The following NRXN1 variants were observed in gnomAD, a reference collection of about 807,000 sequenced individuals.
NRXN1 encodes the protein neurexin-1.
In NRXN1, 39 loss-of-function variants were observed where a neutral mutation model predicts 150.9. The observed-to-expected ratio is 0.26, with a 90% CI of 0.20 to 0.34. NRXN1 has a LOEUF of 0.34. NRXN1 is among the 10% of genes least tolerant of loss of function. The pLI, the probability that NRXN1 is intolerant of heterozygous loss-of-function variation, is 1.00. For synonymous variants in NRXN1, 924 were observed against 757.0 expected (o/e 1.22, Z -3.62); for missense variants, 1,815 against 1,949.9 (o/e 0.93, Z 1.30).
intron 5 of NRXN1, among the ~76,000 whole-genome samples, chr2:50,850,042 CAAAAATTAAAG>C (rs1335609609): frequency 1.3e-5 from 2 of 151,446 alleles, no homozygotes; most frequent in Admixed American, 1.3e-4. Flanking sequence ...CTCACTTCTA[CAAAAATTAAAG>C]AAAAATTAAA....
Position 50,495,933 on chromosome 2 carries a change from G to C in NRXN1, c.3042C>G (p.Thr1014=), listed in dbSNP as rs75137449. The C allele has an allele frequency of 1.2e-6, 2 of 1,608,642 alleles. No individual in the cohort carries two copies. The highest frequency in any genetic ancestry group is 2.2e-5 in the South Asian group (2 of 90,232). Residue 1014 remains threonine (T), a synonymous_variant, in exon 15 of 23, where the codon ACC becomes ACG. Coordinates refer to ENST00000401669, the MANE Select transcript of NRXN1 (RefSeq NM_001330078.2). ...KIDTKITTQI[T]AGARNLDLKS... is the part of the protein sequence containing the mutation. ...TGAGGTCTAAGTTCCTGGCTCCGGC[G>C]GTGATTTGCGTTGTGATTTTTGTGT...
intron 2 of NRXN1, among the ~76,000 whole-genome samples, chr2:50,942,302 AG>A (rs1173681391): frequency 6.6e-6 from 1 of 152,202 alleles, no homozygotes; most frequent in Non-Finnish European, 1.5e-5. Context: ...GGCAATGCAG[AG>A]AGGAAATATG....
At chr2:51,001,426 A>T (rs545961423) in intron 2 of NRXN1, among the ~76,000 whole-genome samples, 1 of 151,942 alleles carries the variant, frequency 6.6e-6, no homozygotes, top group Admixed American at 6.6e-5. Flanking sequence ...TTATCTGCAA[A>T]GTTAATTTCA....
intron 17 of NRXN1, among the ~76,000 whole-genome samples, chr2:50,238,471 T>A (rs2065680376): frequency 6.6e-6 from 1 of 152,004 alleles, no homozygotes; most frequent in African/African-American, 2.4e-5. Flanking sequence ...TGATTATACA[T>A]AATAAGAGAA....
chr2:50,740,874 G>A (rs1699343479), intron 5 of NRXN1, among the ~76,000 whole-genome samples: 1 of 152,152 alleles, frequency 6.6e-6, no homozygotes, highest in African/African-American at 2.4e-5. Flanking sequence ...TGGAGTATCT[G>A]TCATAATCAA....
At chr2:50,922,506 A>G in intron 4 of NRXN1, 152 bp downstream of exon 4, 1 of 805,256 alleles carries the variant, frequency 1.2e-6, no homozygotes, top group South Asian at 1.5e-5. Context: ...AATGGAAGAA[A>G]AACACATGAA....
intron 18 of NRXN1, among the ~76,000 whole-genome samples, chr2:50,163,164 G>GTACATATATATATATATATATATATA (rs1553695027): frequency 3.8e-4 from 54 of 141,746 alleles, no homozygotes; most frequent in Non-Finnish European, 6.9e-4. Flanking sequence ...AATCCAAAAT[G>GTACATATATATATATATATATATATA]TATATATATA....
chr2:50,189,270 A>G (rs1263160686), intron 18 of NRXN1, among the ~76,000 whole-genome samples: 1 of 152,192 alleles, frequency 6.6e-6, no homozygotes, highest in African/African-American at 2.4e-5. Context: ...ACAGGGACAG[A>G]AAACCAAACA....
chr2:50,249,786 C>T (rs550807714), intron 17 of NRXN1, among the ~76,000 whole-genome samples: 15 of 151,982 alleles, frequency 9.9e-5, no homozygotes, highest in South Asian at 8.3e-4. Context: ...CATAGATACG[C>T]GCCACTATGG....
At position 50,906,086 on chromosome 2, in the gene NRXN1, T is replaced by C. The variant is rs1026994913; in HGVS notation, c.832+15783A>G. Among the ~76,000 whole-genome samples, 3 of 152,104 alleles carry C rather than the reference T, an allele frequency of 2.0e-5. No individual in the cohort carries two copies. In the South Asian group the frequency reaches 6.2e-4, roughly 32 times the overall value. ...ATTCAGATTGATGTGGCAGTGGTGG[T>C]TACACTAGGGGCACTAAGGTTATCC... On this transcript the variant is annotated intron_variant, in intron 5 of 22. Coordinates refer to ENST00000401669, the MANE Select transcript of NRXN1 (RefSeq NM_001330078.2).
intron 8 of NRXN1, among the ~76,000 whole-genome samples, chr2:50,556,687 C>A (rs891333196): frequency 2.6e-5 from 4 of 151,960 alleles, no homozygotes; most frequent in Non-Finnish European, 5.9e-5. Flanking sequence ...TTGAGGAAAA[C>A]AATCACTGAG....
intron 5 of NRXN1, chr2:50,919,119 T>C (rs1441446090): frequency 6.6e-6 from 1 of 151,750 alleles, no homozygotes; most frequent in East Asian, 1.9e-4. Flanking sequence ...TAAACTCGTG[T>C]TTAATTCATT....
chr2:50,019,917 C>T (rs1372440911), intron 21 of NRXN1, among the ~76,000 whole-genome samples: 1 of 122,132 alleles, frequency 8.2e-6, no homozygotes, highest in African/African-American at 3.0e-5. Context: ...CACTGCACTC[C>T]GGCCTGGGTG....
chr2:50,237,989 C>T (rs1260705940), intron 17 of NRXN1, among the ~76,000 whole-genome samples: 1 of 151,994 alleles, frequency 6.6e-6, no homozygotes, highest in Non-Finnish European at 1.5e-5. Flanking sequence ...TCTCCTGCTG[C>T]CTTGTGAAGA....
chr2:50,878,124 A>G (rs2103644657), intron 5 of NRXN1, among the ~76,000 whole-genome samples: 1 of 152,066 alleles, frequency 6.6e-6, no homozygotes, highest in East Asian at 1.9e-4. Flanking sequence ...AATCTGGGCA[A>G]AACAGTTCAA....
chr2:50,573,194 AC>A (rs1670911822), intron 8 of NRXN1, among the ~76,000 whole-genome samples: 1 of 151,966 alleles, frequency 6.6e-6, no homozygotes, highest in Non-Finnish European at 1.5e-5. Flanking sequence ...ACATAGCAAA[AC>A]CTCATCTCTA....
At chr2:50,215,028 C>G (rs17040241) in intron 18 of NRXN1, among the ~76,000 whole-genome samples, 3 of 152,038 alleles carry the variant, frequency 2.0e-5, no homozygotes, top group Admixed American at 6.6e-5. Flanking sequence ...AGAAATGAGA[C>G]AGATGGCGGC....
chr2:50,249,690 T>C (rs1574733007), intron 17 of NRXN1, among the ~76,000 whole-genome samples: 1 of 151,220 alleles, frequency 6.6e-6, no homozygotes, highest in Admixed American at 6.6e-5. Flanking sequence ...AAGGCTGGAG[T>C]GCAATGGTGT....
chr2:50,981,457 CAAAAAAAAA>C (rs70958635), intron 2 of NRXN1, among the ~76,000 whole-genome samples: 14 of 23,270 alleles, frequency 6.0e-4, no homozygotes, highest in African/African-American at 1.9e-3. Context: ...AACTCTATCT[CAAAAAAAAA>C]AAAAAAAAAA....
Sources: gnomAD v4.1 joint callset for allele counts (sites outside exome capture counted in the v4.1 genomes callset) on GRCh38, gnomAD v4.1.1 for gene constraint, MANE v1.5 for transcripts, NCBI Gene and HGNC (gene_info 2026-07-23, HGNC 2026-07-21) for gene names.